The following MYT1L variants were observed in gnomAD, a reference collection of about 807,000 sequenced individuals.
MYT1L encodes the protein myelin transcription factor 1-like protein.
A neutral mutation model predicts 126.7 loss-of-function variants in MYT1L; 12 were observed. The observed-to-expected ratio is 0.09, with a 90% CI of 0.06 to 0.15. The LOEUF (loss-of-function observed/expected upper bound fraction) is 0.15. Ranked by LOEUF, MYT1L falls within the 10% of genes least tolerant of loss-of-function variation. The pLI is 1.00. For synonymous variants in MYT1L, 541 were observed against 604.2 expected (o/e 0.90, Z 1.53); for missense variants, 979 against 1,585.2 (o/e 0.62, Z 6.49).
At chr2:2,112,666 G>A (rs955700624) in intron 3 of MYT1L, among the ~76,000 whole-genome samples, 11 of 152,178 alleles carry the variant, frequency 7.2e-5, no homozygotes, top group African/African-American at 1.9e-4. Flanking sequence ...CAACACTGAC[G>A]CTGATGACCC....
At chr2:2,067,966 T>C (rs1168776368) in intron 3 of MYT1L, among the ~76,000 whole-genome samples, 1 of 152,164 alleles carries the variant, frequency 6.6e-6, no homozygotes, top group African/African-American at 2.4e-5. Context: ...CCAGATGAGA[T>C]ACTGTCCCCT....
At chr2:1,831,487 C>G (rs1323739707) in intron 21 of MYT1L, among the ~76,000 whole-genome samples, 2 of 152,212 alleles carry the variant, frequency 1.3e-5, no homozygotes, top group East Asian at 3.9e-4. Flanking sequence ...CTCGTCTGGT[C>G]TGCATTTCTA....
At chr2:1,871,255 G>A (rs1573058701) in intron 18 of MYT1L, among the ~76,000 whole-genome samples, 1 of 152,216 alleles carries the variant, frequency 6.6e-6, no homozygotes, top group Non-Finnish European at 1.5e-5. Context: ...AAGTGCTACG[G>A]AAATCTCTGT....
At chr2:1,859,724 A>C (rs529644275) in intron 18 of MYT1L, among the ~76,000 whole-genome samples, 2 of 152,232 alleles carry the variant, frequency 1.3e-5, no homozygotes, top group African/African-American at 4.8e-5. Flanking sequence ...CAGTGCCTAT[A>C]TTAGCACTGG....
intron 8 of MYT1L, among the ~76,000 whole-genome samples, chr2:1,958,752 C>T (rs2058720404): frequency 6.7e-6 from 1 of 149,022 alleles, no homozygotes; most frequent in Admixed American, 6.7e-5. Flanking sequence ...TCCGGCCCAC[C>T]CAACTGCAGA....
chr2:1,918,146 A>G (rs1042750430), intron 10 of MYT1L, among the ~76,000 whole-genome samples: 1 of 152,196 alleles, frequency 6.6e-6, no homozygotes, highest in Non-Finnish European at 1.5e-5. Flanking sequence ...TCAAGGGCAA[A>G]TTAGGGCAGA....
intron 3 of MYT1L, among the ~76,000 whole-genome samples, chr2:2,105,052 C>T (rs2078579132): frequency 6.6e-6 from 1 of 152,154 alleles, no homozygotes; most frequent in Admixed American, 6.5e-5. Context: ...CTACTAATTT[C>T]CTCGTGTTCT....
At chr2:2,158,872 G>A (rs962092683) in intron 3 of MYT1L, among the ~76,000 whole-genome samples, 7 of 151,336 alleles carry the variant, frequency 4.6e-5, no homozygotes, top group Non-Finnish European at 1.0e-4. Context: ...AGGGGTGATG[G>A]GGTGGGGTGA....
chr2:2,039,857 G>A (rs979998205), intron 4 of MYT1L, among the ~76,000 whole-genome samples: 3 of 152,182 alleles, frequency 2.0e-5, no homozygotes, highest in African/African-American at 7.2e-5. Flanking sequence ...AATGGCTGCA[G>A]GTATAAGTGT....
In MYT1L at chr2:1,840,740, A is replaced by C; in HGVS notation, c.2858+20T>G. 1 of 1,534,386 alleles carries C rather than the reference A, an allele frequency of 6.5e-7. No individual in the cohort carries two copies. Among genetic ancestry groups the C allele is most frequent in the Non-Finnish European group, 8.8e-7 (1 of 1,132,708 alleles). On this transcript the variant is annotated intron_variant, in intron 20 of 24. Coordinates refer to ENST00000647738, the MANE Select transcript of MYT1L (RefSeq NM_001303052.2). ...ACATGGCAGCCCTGCTATGGTTCTCAGCCCCACTGGTGCTCATACCTGATG... is the reference window on the plus strand; with the variant it reads ...ACATGGCAGCCCTGCTATGGTTCTCCGCCCCACTGGTGCTCATACCTGATG...
At chr2:1,844,680 C>T (rs943241722) in intron 19 of MYT1L, among the ~76,000 whole-genome samples, 5 of 152,186 alleles carry the variant, frequency 3.3e-5, no homozygotes, top group African/African-American at 1.2e-4. Context: ...GAAGTGATAA[C>T]ATGATACATA....
rs1573595242 is a variant in MYT1L at position 1,922,218 on chromosome 2, C to T, written c.1483+68G>A. 3 of 1,561,250 alleles carry T rather than the reference C, an allele frequency of 1.9e-6. No homozygotes were observed. Among genetic ancestry groups the T allele is most frequent in the South Asian group, 2.5e-5 (2 of 81,608 alleles). On this transcript the variant is annotated intron_variant, in intron 10 of 24. Coordinates refer to ENST00000647738, the MANE Select transcript of MYT1L (RefSeq NM_001303052.2). This position sits in a 1 kb window ranked among gnomAD's most constrained non-coding sequence, Gnocchi z 7.4. The stretch of plus-strand genomic sequence containing the variant: ...GTGTGAGTCACACTTTAACTGTAGA[C>T]TACCACCAACATCCTTTACCCTAGC...
At chr2:2,183,273 C>A (rs1271953768) in intron 2 of MYT1L, among the ~76,000 whole-genome samples, 1 of 151,996 alleles carries the variant, frequency 6.6e-6, no homozygotes, top group African/African-American at 2.4e-5. Context: ...CAGAGAGGAA[C>A]GAACCTGGGG....
At chr2:2,296,597 C>T (rs2095697549) in intron 1 of MYT1L, among the ~76,000 whole-genome samples, 1 of 151,940 alleles carries the variant, frequency 6.6e-6, no homozygotes, top group Non-Finnish European at 1.5e-5. Context: ...TCATTAACTC[C>T]AGGAGAAGAG....
At chr2:1,835,706 C>T (rs2148336646) in intron 21 of MYT1L, among the ~76,000 whole-genome samples, 1 of 152,270 alleles carries the variant, frequency 6.6e-6, no homozygotes, top group African/African-American at 2.4e-5. Flanking sequence ...GGCAAACACG[C>T]CCAGAGCCCT....
intron 14 of MYT1L, among the ~76,000 whole-genome samples, chr2:1,897,183 C>T (rs1390500624): frequency 6.6e-6 from 1 of 152,192 alleles, no homozygotes; most frequent in South Asian, 2.1e-4. Context: ...AGAGGGCCTA[C>T]AGTTAAAATT....
rs761076416 is a variant in MYT1L, at chr2:1,922,639, G to A, written c.1130C>T (p.Ser377Leu). The change falls in exon 10 of 25, where the codon TCG becomes TTG. Residue 377 changes from serine (S) to leucine (L), a missense_variant. By Grantham distance (145) the Ser-to-Leu change is moderately radical. This residue lies in a region of MYT1L where 243 missense variants were observed against 363.9 expected (regional missense o/e 0.67). Transcript: ENST00000647738. The surrounding 1 kb of genome is among the most constrained non-coding windows in gnomAD (Gnocchi z 7.4). Reference protein sequence around the residue: ...FPGRTPDRNYSDMLNLMRLEE... With the variant: ...FPGRTPDRNYLDMLNLMRLEE... ...CAGCCGCATGAGGTTCAGCATGTCC[G>A]AGTAGTTTCTGTCCGGCGTCCTTCC... 7.4e-6 allele frequency: 12 copies of A among 1,613,768 alleles called. No homozygotes were observed. The highest frequency in any genetic ancestry group is 1.1e-5 in the South Asian group (1 of 91,066).
At chr2:2,213,655 C>A (rs1031584584) in intron 2 of MYT1L, among the ~76,000 whole-genome samples, 1 of 152,176 alleles carries the variant, frequency 6.6e-6, no homozygotes, top group African/African-American at 2.4e-5. Context: ...TAGTAATAGG[C>A]TGAATATTAC....
chr2:2,180,975 T>C (rs1035132305), intron 2 of MYT1L, among the ~76,000 whole-genome samples: 1 of 145,784 alleles, frequency 6.9e-6, no homozygotes, highest in Non-Finnish European at 1.5e-5. Context: ...ACCGTACCTG[T>C]GTGTGTACCT....
Sources: gnomAD v4.1 joint callset for allele counts (sites outside exome capture counted in the v4.1 genomes callset) on GRCh38, gnomAD v4.1.1 for gene constraint, gnomAD v4.1.1 regional missense constraint, Gnocchi (gnomAD v3.1) non-coding constraint, MANE v1.5 for transcripts, NCBI Gene and HGNC (gene_info 2026-07-23, HGNC 2026-07-21) for gene names.